ADAMTS8: variants seen among roughly 807,000 people sequenced by gnomAD.
ADAMTS8 encodes A disintegrin and metalloproteinase with thrombospondin motifs 8.
Under a neutral mutation model 64.4 loss-of-function variants are expected in ADAMTS8, and 50 were observed. The ratio of observed to expected loss-of-function variants is 0.78; its 90% confidence interval spans 0.62 to 0.98. The LOEUF is 0.98. ADAMTS8 is among the 50% of genes least tolerant of loss of function. ADAMTS8 has a pLI of 0.00. For synonymous variants in ADAMTS8, 556 were observed against 533.6 expected (o/e 1.04, Z -0.58); for missense variants, 1,192 against 1,208.2 (o/e 0.99, Z 0.20).
intron 4 of ADAMTS8, among the ~76,000 whole-genome samples, chr11:130,415,603 C>CTTTTTTTTT (rs386375276): frequency 4.8e-5 from 5 of 104,790 alleles, no homozygotes; most frequent in African/African-American, 1.8e-4. Flanking sequence ...GCACCTGGCC[C>CTTTTTTTTT]TTTTTTTTTT....
intron 1 of ADAMTS8, among the ~76,000 whole-genome samples, chr11:130,424,489 C>T (rs1045993741): frequency 1.3e-5 from 2 of 152,160 alleles, no homozygotes; most frequent in African/African-American, 4.8e-5. Context: ...GTCCAGGTGT[C>T]CTGCTTCACA....
At chr11:130,420,107 C>T (rs906264002) in intron 1 of ADAMTS8, among the ~76,000 whole-genome samples, 5 of 152,194 alleles carry the variant, frequency 3.3e-5, no homozygotes, top group South Asian at 2.1e-4. Flanking sequence ...TGAGGTCCAC[C>T]GTGCTCTCAT....
At chr11:130,426,850 C>T (rs1351250456) in intron 1 of ADAMTS8, among the ~76,000 whole-genome samples, 3 of 152,242 alleles carry the variant, frequency 2.0e-5, no homozygotes, top group African/African-American at 7.2e-5. Context: ...GCGCCCCTCG[C>T]GTTTCCACCA....
Position 130,419,044 on chromosome 11 carries a change from G to T in ADAMTS8, c.960+9C>A, listed in dbSNP as rs754570962. 1 of 1,613,932 alleles carries T rather than the reference G, an allele frequency of 6.2e-7. No individual in the cohort carries two copies. ...TTCCTCCCCAGGGCTTCCGGAGCCA[G>T]GCACGGACCTGTCTGGTGAGCAGGA... On this transcript the variant is annotated intron_variant, in intron 2 of 8. Coordinates refer to ENST00000257359, the MANE Select transcript of ADAMTS8 (RefSeq NM_007037.6).
chr11:130,415,978 G>C (rs947724650), intron 4 of ADAMTS8, among the ~76,000 whole-genome samples, 185 bp downstream of exon 4: 3 of 152,184 alleles, frequency 2.0e-5, no homozygotes, highest in Admixed American at 6.5e-5. Flanking sequence ...CGCAGAACTC[G>C]GCTGCTGGAA....
Position 130,411,745 on chromosome 11 carries a change from G to A in ADAMTS8, c.1567-145C>T. 3 of 798,628 alleles carry A rather than the reference G, an allele frequency of 3.8e-6. No individual in the cohort carries two copies. Among genetic ancestry groups the A allele is most frequent in the Non-Finnish European group, 5.9e-6 (3 of 512,146 alleles). The allele number at this position is 798,628 out of a possible 1,614,324, so 49.5% of individuals were successfully genotyped here. A position where few individuals can be genotyped will look rare whatever the true frequency, so the allele number is the denominator to read the frequency against. ...GTGCCGTAAACTGCCTCAATCATTTGTTTAATGACTGTGTGGCCTGCATGG... is the reference window on the plus strand; with the variant it reads ...GTGCCGTAAACTGCCTCAATCATTTATTTAATGACTGTGTGGCCTGCATGG... On this transcript the variant is annotated intron_variant, in intron 5 of 8. Transcript: ENST00000257359. This position sits in a 1 kb window ranked among gnomAD's most constrained non-coding sequence, Gnocchi z 4.2.
Position 130,427,793 on chromosome 11 carries a change from G to A in ADAMTS8, c.494C>T (p.Pro165Leu). Residue 165 changes from proline to leucine, a missense_variant, in exon 1 of 9, where the codon CCC (proline) becomes CTC (leucine). Physicochemically the swap from Pro to Leu is moderately conservative, Grantham distance 98. Coordinates refer to ENST00000257359, the MANE Select transcript of ADAMTS8 (RefSeq NM_007037.6). Reference sequence around the variant, plus strand: ...CTCTCCCGTCTCCACCTCCCACTCGGGTCCTCGCGGGAGGGGGCGGGCTCC... The same window carrying A: ...CTCTCCCGTCTCCACCTCCCACTCGAGTCCTCGCGGGAGGGGGCGGGCTCC... ...PAGARPLPRG[P>L]EWEVETGEGQ... 1 of 1,581,492 alleles carries A rather than the reference G, an allele frequency of 6.3e-7. No individual in the cohort carries two copies. Among genetic ancestry groups the A allele is most frequent in the Non-Finnish European group, 8.6e-7 (1 of 1,165,074 alleles).
Position 130,427,838 on chromosome 11 carries a change from A to T in ADAMTS8, c.449T>A (p.Leu150Gln). The change falls in exon 1 of 9, where the codon CTG becomes CAG. Residue 150 changes from leucine to glutamine, a missense_variant. Leu to Gln is a moderately radical substitution (Grantham distance 113). Around this residue, in one of 5 missense-constraint regions of ADAMTS8, gnomAD observed 741 missense variants for 710.6 expected, o/e 1.04. Transcript: ENST00000257359. ...AGGSLAQPHR[L>Q]QRWGPAGARP... ...GGCTCCGGCGGGACCCCAGCGCTGC[A>T]GGCGGTGCGGCTGAGCCAGGGAGCC... is the stretch of plus-strand genomic sequence containing the variant. 6.5e-7 allele frequency: 1 copy of T among 1,544,872 alleles called. No individual in the cohort carries two copies. Among genetic ancestry groups the T allele is most frequent in the East Asian group, 2.4e-5 (1 of 41,088 alleles).
intron 1 of ADAMTS8, among the ~76,000 whole-genome samples, chr11:130,420,813 C>G (rs1862089581): frequency 6.6e-6 from 1 of 152,048 alleles, no homozygotes; most frequent in Non-Finnish European, 1.5e-5. Context: ...GGCACTTGCT[C>G]CTGGAGTTGG....
chr11:130,426,294 G>A (rs1592136167), intron 1 of ADAMTS8, among the ~76,000 whole-genome samples: 1 of 152,322 alleles, frequency 6.6e-6, no homozygotes, highest in African/African-American at 2.4e-5. Context: ...ATAGAGGGTG[G>A]GAAAGATGGG....
intron 1 of ADAMTS8, among the ~76,000 whole-genome samples, chr11:130,425,755 C>T (rs1251218983): frequency 1.3e-5 from 2 of 152,094 alleles, no homozygotes; most frequent in Admixed American, 1.3e-4. Flanking sequence ...CGCCCACCAC[C>T]ACGCCTGGCT....
rs758876648 is a variant in ADAMTS8, at chr11:130,414,583, T to C, written c.1514A>G (p.His505Arg). ...TAGACAGCTGCCTTCTGAGCAGAGG[T>C]GCCCAGGCCCGCACGGCGTGCCGTC... ...WADGTPCGPG[H>R]LCSEGSCLPE... The change falls in exon 5 of 9, where the codon CAC becomes CGC. Residue 505 changes from histidine (H) to arginine (R), a missense_variant. This residue lies in a region of ADAMTS8 where 741 missense variants were observed against 710.6 expected (regional missense o/e 1.04). Coordinates refer to ENST00000257359, the MANE Select transcript of ADAMTS8 (RefSeq NM_007037.6). 17 of 1,612,152 alleles carry C rather than the reference T, an allele frequency of 1.1e-5. No homozygotes were observed. Among genetic ancestry groups the C allele is most frequent in the Non-Finnish European group, 1.3e-5 (15 of 1,179,172 alleles).
At chr11:130,423,396 G>T (rs1288480423) in intron 1 of ADAMTS8, among the ~76,000 whole-genome samples, 1 of 152,194 alleles carries the variant, frequency 6.6e-6, no homozygotes, top group Non-Finnish European at 1.5e-5. Context: ...ACAGAGCAGG[G>T]GGGGGCATGA....
At position 130,428,149 on chromosome 11, in the gene ADAMTS8, C is replaced by A; in HGVS notation, c.138G>T (p.Leu46Phe). The A allele has an allele frequency of 6.7e-7, 1 of 1,483,336 alleles. No homozygotes were observed. Among genetic ancestry groups the A allele is most frequent in the East Asian group, 2.9e-5 (1 of 34,774 alleles). 91.9% of individuals were successfully genotyped at this position (1,483,336 alleles called of 1,614,324 possible). The change falls in exon 1 of 9, where the codon TTG becomes TTT. Residue 46 changes from leucine to phenylalanine, a missense_variant. This residue lies in a region of ADAMTS8 where 741 missense variants were observed against 710.6 expected (regional missense o/e 1.04). Coordinates refer to ENST00000257359, the MANE Select transcript of ADAMTS8 (RefSeq NM_007037.6). Reference sequence around the variant, plus strand: ...GCGCGAGCTCGCCCGCGCTGCCGGGCAACCGCGTGGGCACCACCAGCTCCG... The same window carrying A: ...GCGCGAGCTCGCCCGCGCTGCCGGGAAACCGCGTGGGCACCACCAGCTCCG... ...QASELVVPTR[L>F]PGSAGELALH...
chr11:130,427,562 C>G lies in ADAMTS8; in HGVS notation c.720+5G>C. 15 of 1,535,144 alleles carry G rather than the reference C, an allele frequency of 9.8e-6. No individual in the cohort carries two copies. Among genetic ancestry groups the G allele is most frequent in the Non-Finnish European group, 1.2e-5 (14 of 1,146,494 alleles). ...ACGGCGGCTGGAGGAGGCTCTCAGT[C>G]CTACCTGCAGGTCGGCCCCGTAGAA... On this transcript the variant is annotated splice_donor_5th_base_variant and intron_variant, in intron 1 of 8. Transcript: ENST00000257359.
At chr11:130,410,708 C>T (rs1395900605) in intron 6 of ADAMTS8, among the ~76,000 whole-genome samples, 2 of 152,218 alleles carry the variant, frequency 1.3e-5, no homozygotes, top group Non-Finnish European at 2.9e-5. Context: ...TGGGGAAAAA[C>T]CTTGTAATGA....
intron 6 of ADAMTS8, among the ~76,000 whole-genome samples, chr11:130,409,668 C>A (rs1861929136): frequency 6.6e-6 from 1 of 152,242 alleles, no homozygotes; most frequent in Non-Finnish European, 1.5e-5. Context: ...CCACCACAAG[C>A]CCAGGCCTGC....
chr11:130,408,496 GCA>G lies in ADAMTS8; in HGVS notation c.2065_2066del (p.Cys689GlnfsTer16). ...GGGTGAGGGACCCGGAGACCTTCCTGCAGGAGTTGCCTTTGCCCCCACACACC... is the reference window on the plus strand; with the variant it reads ...GGGTGAGGGACCCGGAGACCTTCCTGGGAGTTGCCTTTGCCCCCACACACC... ...CGVCGGKGNSCRKVSGSLTPT... is the reference protein window; with the variant it reads ...CGVCGGKGNSXRKVSGSLTPT... On this transcript the variant is annotated frameshift_variant, in exon 8 of 9. Coordinates refer to ENST00000257359, the MANE Select transcript of ADAMTS8 (RefSeq NM_007037.6). LOFTEE classifies it low-confidence loss of function (END_TRUNC). 6.2e-7 allele frequency: 1 copy of G among 1,613,988 alleles called. No individual in the cohort carries two copies. The highest frequency in any genetic ancestry group is 8.5e-7 in the Non-Finnish European group (1 of 1,179,994).
intron 1 of ADAMTS8, 79 bp downstream of exon 1, chr11:130,427,488 G>T (rs1322342067): frequency 9.5e-7 from 1 of 1,053,974 alleles, no homozygotes; most frequent in Admixed American, 3.0e-5. Context: ...AGAGGGATTG[G>T]AAGGGGAGAT....
Sources: allele counts gnomAD v4.1 joint callset (sites outside exome capture counted in the v4.1 genomes callset), GRCh38; gene constraint gnomAD v4.1.1; regional missense constraint gnomAD v4.1.1; non-coding constraint Gnocchi (gnomAD v3.1); transcripts MANE v1.5; gene names NCBI Gene and HGNC (gene_info 2026-07-23, HGNC 2026-07-21).